Variants in DNM2 observed in about 807,000 individuals in gnomAD.
DNM2 encodes the protein dynamin-2.
DNM2 carries 15 observed loss-of-function variants against 99.0 expected under a neutral mutation model. That is an observed-to-expected ratio of 0.15 (90% CI 0.10 to 0.23). The LOEUF is 0.23. Among genes scored for constraint, DNM2 ranks in the 10% least tolerant of loss-of-function variants. DNM2 has a pLI of 1.00. For missense variants in DNM2, 742 were observed against 1,189.4 expected (o/e 0.62, Z 5.53); for synonymous variants, 525 against 481.2 (o/e 1.09, Z -1.19).
At position 10,831,872 on chromosome 19, in the gene DNM2, T is replaced by C; in HGVS notation, c.*825T>C. The C allele has an allele frequency of 2.0e-6, 2 of 1,023,018 alleles. No individual in the cohort carries two copies. The highest frequency in any genetic ancestry group is 2.3e-6 in the Non-Finnish European group (2 of 852,186). The allele number at this position is 1,023,018 out of a possible 1,614,324, so 63.4% of individuals were successfully genotyped here. A position where few individuals can be genotyped will look rare whatever the true frequency, so the allele number is the denominator to read the frequency against. The stretch of plus-strand genomic sequence containing the variant: ...GTGCCTGCACTCTGTATTCTATTAA[T>C]AAACTAAAATAAAGGGAAGACGCTG... On this transcript the variant is annotated 3_prime_UTR_variant, in exon 21 of 21. Coordinates refer to ENST00000389253, the MANE Select transcript of DNM2 (RefSeq NM_001005361.3). This position sits in a 1 kb window ranked among gnomAD's most constrained non-coding sequence, Gnocchi z 4.3.
intron 1 of DNM2, among the ~76,000 whole-genome samples, chr19:10,726,451 G>A (rs2069119529): frequency 1.3e-5 from 2 of 152,070 alleles, no homozygotes; most frequent in Admixed American, 1.3e-4. Flanking sequence ...TTCTTGCTCT[G>A]GGGATACAGC....
Position 10,829,167 on chromosome 19 carries a change from G to A in DNM2, c.2190G>A (p.Lys730=). 6.2e-7 allele frequency: 1 copy of A among 1,614,060 alleles called. No individual in the cohort carries two copies. The highest frequency in any genetic ancestry group is 8.5e-7 in the Non-Finnish European group (1 of 1,180,032). Residue 730 remains lysine, a synonymous_variant, in exon 19 of 21, where the codon AAG becomes AAA. Coordinates refer to ENST00000389253, the MANE Select transcript of DNM2 (RefSeq NM_001005361.3). ...TGCTGCGCATGTACCATGCCCTCAAGGAGGCGCTCAACATCATCGGTGACA... is the reference window on the plus strand; with the variant it reads ...TGCTGCGCATGTACCATGCCCTCAAAGAGGCGCTCAACATCATCGGTGACA... ...DDMLRMYHAL[K]EALNIIGDIS...
Position 10,795,830 on chromosome 19 carries a change from G to A in DNM2, c.1196+391G>A. ...CATGGCTTCCTCGTGAGCCTCTTGG[G>A]TCCCCTCCTTATTCTAACAAAGGTA... On this transcript the variant is annotated intron_variant, in intron 9 of 20. Transcript: ENST00000389253. The surrounding 1 kb of genome is among the most constrained non-coding windows in gnomAD (Gnocchi z 4.2). 6.1e-6 allele frequency: 4 copies of A among 652,132 alleles called. No homozygotes were observed. The allele number at this position is 652,132 out of a possible 1,614,324, so 40.4% of individuals were successfully genotyped here.
rs369090848 is a variant in DNM2 at position 10,817,411 on chromosome 19, G to A, written c.1672-2569G>A. ...TTTGGGGGGCCTGTCTCGACGAGCC[G>A]CTCACCCAAGCCCAGCCTAACCAAT... On this transcript the variant is annotated intron_variant, in intron 15 of 20. Coordinates refer to ENST00000389253, the MANE Select transcript of DNM2 (RefSeq NM_001005361.3). The surrounding 1 kb of genome is among the most constrained non-coding windows in gnomAD (Gnocchi z 4.6). 8 of 506,588 alleles carry A rather than the reference G, an allele frequency of 1.6e-5. No individual in the cohort carries two copies. Among genetic ancestry groups the A allele is most frequent in the East Asian group, 5.9e-5 (1 of 16,912 alleles). The allele number at this position is 506,588 out of a possible 1,614,324, so 31.4% of individuals were successfully genotyped here.
In DNM2 at chr19:10,796,174, A is replaced by G. The variant is rs778187114; in HGVS notation, c.1196+735A>G. ...GACCTGGTTATCCAGGAGCTAATCA[A>G]TACAGTTAGGCAGTGTACCAGTAAG... On this transcript the variant is annotated intron_variant, in intron 9 of 20. Transcript: ENST00000389253. The surrounding 1 kb of genome is among the most constrained non-coding windows in gnomAD (Gnocchi z 5.6). 6.2e-6 allele frequency: 10 copies of G among 1,614,184 alleles called. No individual in the cohort carries two copies. The highest frequency in any genetic ancestry group is 5.5e-5 in the South Asian group (5 of 91,086).
At chr19:10,829,955 G>A (rs2073276304) in intron 19 of DNM2, among the ~76,000 whole-genome samples, 172 bp from the exon 20 acceptor site, 1 of 152,134 alleles carries the variant, frequency 6.6e-6, no homozygotes, top group Non-Finnish European at 1.5e-5. Flanking sequence ...TGCCTGAGGG[G>A]GCCGAGGGCA....
Position 10,831,146 on chromosome 19 carries a change from C to T in DNM2, c.*99C>T. On this transcript the variant is annotated 3_prime_UTR_variant, in exon 21 of 21. Coordinates refer to ENST00000389253, the MANE Select transcript of DNM2 (RefSeq NM_001005361.3). The surrounding 1 kb of genome is among the most constrained non-coding windows in gnomAD (Gnocchi z 4.3). Reference sequence around the variant, plus strand: ...CCGCCGCCCCTATGCTGGGACCAGGCTCCCAGTGGGCAGCCCTGGCCTCTT... The same window carrying T: ...CCGCCGCCCCTATGCTGGGACCAGGTTCCCAGTGGGCAGCCCTGGCCTCTT... The T allele has an allele frequency of 1.4e-6, 2 of 1,470,324 alleles. No homozygotes were observed. The allele number at this position is 1,470,324 out of a possible 1,614,324, so 91.1% of individuals were successfully genotyped here.
rs2278444 is a variant in DNM2, at chr19:10,794,024, T to G, written c.1128+169T>G. Among the ~76,000 whole-genome samples the G allele has an allele frequency of 3.3e-5, 5 of 152,164 alleles. No homozygotes were observed. In the East Asian group the frequency reaches 7.7e-4, roughly 24 times the overall value. ...AGGTGTCCCCATGGGCTTCCTTTTC[T>G]GACACTCAGCTTTGAGGTTTTGGGC... On this transcript the variant is annotated intron_variant, in intron 8 of 20. Coordinates refer to ENST00000389253, the MANE Select transcript of DNM2 (RefSeq NM_001005361.3).
At chr19:10,724,083 CA>C (rs1203230743) in intron 1 of DNM2, among the ~76,000 whole-genome samples, 5,082 of 58,702 alleles carry the variant, frequency 0.087, 209 homozygotes, top group African/African-American at 0.25. Flanking sequence ...GACCTCGTCT[CA>C]AAAAAAAAAA....
intron 1 of DNM2, chr19:10,718,777 T>G: frequency 6.0e-6 from 1 of 168,034 alleles, no homozygotes. Context: ...AAACCGGCCA[T>G]CTAGATATCT....
intron 1 of DNM2, among the ~76,000 whole-genome samples, chr19:10,739,181 A>G (rs1287386890): frequency 6.6e-6 from 1 of 152,218 alleles, no homozygotes; most frequent in African/African-American, 2.4e-5. Flanking sequence ...TCAAAAATAA[A>G]TAAATAAATA....
chr19:10,732,694 C>G (rs1213039761), intron 1 of DNM2, among the ~76,000 whole-genome samples: 2 of 151,790 alleles, frequency 1.3e-5, no homozygotes, highest in African/African-American at 4.8e-5. Context: ...GTCTGTGGCT[C>G]TTGCCAGATT....
chr19:10,795,495 C>T lies in DNM2; in HGVS notation c.1196+56C>T. On this transcript the variant is annotated intron_variant, in intron 9 of 20. Coordinates refer to ENST00000389253, the MANE Select transcript of DNM2 (RefSeq NM_001005361.3). The surrounding 1 kb of genome is among the most constrained non-coding windows in gnomAD (Gnocchi z 4.2). ...CCTTCCTCTCCGTGGTGCGACCCCC[C>T]AGCTAATTGGGTCACCCACACCTCT... 1.3e-6 allele frequency: 2 copies of T among 1,599,926 alleles called. No individual in the cohort carries two copies. The highest frequency in any genetic ancestry group is 1.7e-6 in the Non-Finnish European group (2 of 1,167,954).
rs2068818174 is a variant in DNM2, at chr19:10,718,258, A to T, written c.16A>T (p.Met6Leu). ...CGCCGGCGCCATGGGCAACCGCGGG[A>T]TGGAAGAGCTGATCCCGCTGGTCAA... MGNRGMEELIPLVNKL... is the reference protein window; with the variant it reads MGNRGLEELIPLVNKL... The change falls in exon 1 of 21, where the codon ATG (methionine) becomes TTG (leucine). Residue 6 changes from methionine to leucine, a missense_variant. Coordinates refer to ENST00000389253, the MANE Select transcript of DNM2 (RefSeq NM_001005361.3). The T allele has an allele frequency of 1.3e-6, 2 of 1,485,794 alleles. No individual in the cohort carries two copies. The highest frequency in any genetic ancestry group is 2.6e-5 in the South Asian group (2 of 78,086). The allele number at this position is 1,485,794 out of a possible 1,614,324, so 92.0% of individuals were successfully genotyped here.
intron 1 of DNM2, among the ~76,000 whole-genome samples, chr19:10,729,087 C>A (rs924294560): frequency 2.5e-5 from 3 of 118,542 alleles, no homozygotes; most frequent in African/African-American, 1.0e-4. Context: ...ATGGCGTGAA[C>A]CCGGGAGGCG....
intron 12 of DNM2, among the ~76,000 whole-genome samples, chr19:10,802,857 G>T (rs922574274): frequency 1.3e-5 from 2 of 152,198 alleles, no homozygotes; most frequent in African/African-American, 4.8e-5. Context: ...GGCCCACATC[G>T]GGGAGCCCTG....
At chr19:10,800,343 C>A (rs1216302577) in intron 11 of DNM2, among the ~76,000 whole-genome samples, 2 of 152,156 alleles carry the variant, frequency 1.3e-5, no homozygotes, top group East Asian at 3.8e-4. Flanking sequence ...TTGATTTGGC[C>A]AATTGCTCCC....
chr19:10,807,393 G>A (rs950517197), intron 13 of DNM2, among the ~76,000 whole-genome samples: 1 of 151,730 alleles, frequency 6.6e-6, no homozygotes, highest in African/African-American at 2.4e-5. Context: ...GCGCCCGCCA[G>A]CACGCCCAGC....
rs925362032 is a variant in DNM2, at chr19:10,795,886, G to A, written c.1196+447G>A. The A allele has an allele frequency of 3.1e-5, 31 of 1,006,624 alleles. No individual in the cohort carries two copies. Among genetic ancestry groups the A allele is most frequent in the African/African-American group, 7.9e-5 (5 of 63,008 alleles). The allele number at this position is 1,006,624 out of a possible 1,614,324, so 62.4% of individuals were successfully genotyped here. ...TCCAGGTGTCTGCCCTTCCATCGCC[G>A]TGGGGTCCTCGGGTCACCCTGAGGG... On this transcript the variant is annotated intron_variant, in intron 9 of 20. Transcript: ENST00000389253. This position sits in a 1 kb window ranked among gnomAD's most constrained non-coding sequence, Gnocchi z 4.2.
Sources: gnomAD v4.1 joint callset for allele counts (sites outside exome capture counted in the v4.1 genomes callset) on GRCh38, gnomAD v4.1.1 for gene constraint, Gnocchi (gnomAD v3.1) non-coding constraint, MANE v1.5 for transcripts, NCBI Gene and HGNC (gene_info 2026-07-23, HGNC 2026-07-21) for gene names.